NCOA2: variants seen among roughly 807,000 people sequenced by gnomAD.
NCOA2 encodes nuclear receptor coactivator 2.
In NCOA2, 21 loss-of-function variants were observed where a neutral mutation model predicts 145.1. That is an observed-to-expected ratio of 0.14 (90% CI 0.10 to 0.21). The LOEUF (loss-of-function observed/expected upper bound fraction) is 0.21. NCOA2 is among the 10% of genes least tolerant of loss of function. The pLI is 1.00. For synonymous variants in NCOA2, 619 were observed against 637.5 expected (o/e 0.97, Z 0.44); for missense variants, 1,472 against 1,837.6 (o/e 0.80, Z 3.64).
chr8:70,339,163 C>G (rs1807898988), intron 1 of NCOA2, among the ~76,000 whole-genome samples: 1 of 152,220 alleles, frequency 6.6e-6, no homozygotes. Flanking sequence ...TTGAAGACAG[C>G]ATGATCCAGC....
At chr8:70,295,045 A>G (rs1826986023) in intron 2 of NCOA2, among the ~76,000 whole-genome samples, 1 of 152,216 alleles carries the variant, frequency 6.6e-6, no homozygotes, top group Non-Finnish European at 1.5e-5. Flanking sequence ...AAGAGAAGCA[A>G]ATGTCTGAAA....
intron 4 of NCOA2, among the ~76,000 whole-genome samples, chr8:70,179,524 T>A (rs1815242982): frequency 6.6e-6 from 1 of 152,202 alleles, no homozygotes; most frequent in Non-Finnish European, 1.5e-5. Flanking sequence ...ATTTCAGTAA[T>A]GAGTATGCTA....
chr8:70,314,215 G>C (rs1805392040), intron 1 of NCOA2, among the ~76,000 whole-genome samples: 1 of 111,554 alleles, frequency 9.0e-6, no homozygotes, highest in East Asian at 3.9e-4. Context: ...AAAAGCAACT[G>C]TCATGTCCAC....
rs191065440 is a variant in NCOA2 at position 70,287,334 on chromosome 8, C to T, written c.-20+9410G>A. On this transcript the variant is annotated intron_variant, in intron 2 of 22. Coordinates refer to ENST00000452400, the MANE Select transcript of NCOA2 (RefSeq NM_006540.4). ...TCACTCTTAGAATGTAGTATTTTCT[C>T]TTTTTTAAATTTTTTTCTTTTCACT... is the stretch of plus-strand genomic sequence containing the variant. Among the ~76,000 whole-genome samples the T allele has an allele frequency of 8.9e-3, 1,346 of 152,042 alleles. 24 individuals are homozygous for T. Among genetic ancestry groups the T allele is most frequent in the Middle Eastern group, 0.017 (5 of 294 alleles).
intron 11 of NCOA2, among the ~76,000 whole-genome samples, chr8:70,151,334 C>G (rs1224646424): frequency 6.6e-6 from 1 of 151,880 alleles, no homozygotes; most frequent in African/African-American, 2.4e-5. Flanking sequence ...GTCACCCAGG[C>G]TGGAGTGCAG....
the NCOA2 span, among the ~76,000 whole-genome samples, chr8:70,446,591 T>C: frequency 3.3e-5 from 5 of 152,192 alleles, no homozygotes; most frequent in African/African-American, 1.2e-4. Context: ...TTTTCATCCC[T>C]AATTTTATTG....
At chr8:70,219,268 T>G (rs1436207988) in intron 2 of NCOA2, among the ~76,000 whole-genome samples, 1 of 152,206 alleles carries the variant, frequency 6.6e-6, no homozygotes, top group African/African-American at 2.4e-5. Context: ...ATATCATAAT[T>G]TCCTCTTGAA....
chr8:70,348,672 G>C (rs1195237129), intron 1 of NCOA2, among the ~76,000 whole-genome samples: 1 of 152,162 alleles, frequency 6.6e-6, no homozygotes, highest in Non-Finnish European at 1.5e-5. Context: ...TAAGATAAGA[G>C]AGAAGAGTCT....
intron 2 of NCOA2, among the ~76,000 whole-genome samples, chr8:70,251,254 A>C (rs771506737): frequency 1.3e-5 from 2 of 152,226 alleles, no homozygotes; most frequent in African/African-American, 2.4e-5. Context: ...TAAAAAGCTT[A>C]TGCAAACAGC....
intron 1 of NCOA2, among the ~76,000 whole-genome samples, chr8:70,378,725 T>C (rs1563824369): frequency 1.4e-5 from 2 of 141,084 alleles, no homozygotes; most frequent in African/African-American, 5.4e-5. Context: ...CCAAAGTCCC[T>C]GCACTTGTAG....
intron 5 of NCOA2, 89 bp from the exon 6 acceptor site, chr8:70,170,468 A>C: frequency 9.1e-7 from 1 of 1,097,270 alleles, no homozygotes; most frequent in East Asian, 2.9e-5. Flanking sequence ...TTTCAAGGAA[A>C]CACAATTCAC....
chr8:70,167,926 A>G (rs1275924803), intron 6 of NCOA2, among the ~76,000 whole-genome samples: 1 of 152,260 alleles, frequency 6.6e-6, no homozygotes, highest in Non-Finnish European at 1.5e-5. Context: ...CAACTACTAG[A>G]AAAGTTGGAA....
chr8:70,220,430 C>A (rs1338261581), intron 2 of NCOA2, among the ~76,000 whole-genome samples: 1 of 152,164 alleles, frequency 6.6e-6, no homozygotes, highest in Non-Finnish European at 1.5e-5. Context: ...AGTTTCAAAT[C>A]ATCCATTCTT....
the NCOA2 span, among the ~76,000 whole-genome samples, chr8:70,440,709 GA>G: frequency 6.9e-6 from 1 of 144,334 alleles, no homozygotes; most frequent in South Asian, 2.2e-4. Flanking sequence ...AGAAAGAAAA[GA>G]AGAAAGAAAA....
the NCOA2 span, among the ~76,000 whole-genome samples, chr8:70,444,895 T>C: frequency 6.6e-6 from 1 of 152,240 alleles, no homozygotes; most frequent in African/African-American, 2.4e-5. Context: ...ACCTTGATTC[T>C]ATCTTTTAAA....
At chr8:70,123,082 T>G (rs1481552443) in intron 21 of NCOA2, among the ~76,000 whole-genome samples, 1 of 152,210 alleles carries the variant, frequency 6.6e-6, no homozygotes, top group African/African-American at 2.4e-5. Flanking sequence ...AGCCACAGAT[T>G]TTTGGATTCC....
the NCOA2 span, among the ~76,000 whole-genome samples, chr8:70,455,314 A>G: frequency 6.6e-6 from 1 of 152,232 alleles, no homozygotes; most frequent in Non-Finnish European, 1.5e-5. Flanking sequence ...CTGCCTAGAA[A>G]TGATTATTTT....
intron 15 of NCOA2, among the ~76,000 whole-genome samples, chr8:70,133,529 G>A (rs778539475): frequency 9.9e-5 from 15 of 152,236 alleles, no homozygotes; most frequent in African/African-American, 1.4e-4. Context: ...TAGCCTAGAG[G>A]AGGCTTTTAA....
At position 70,160,883 on chromosome 8, in the gene NCOA2, TC is replaced by T. The variant is rs547403000; in HGVS notation, c.977-1232del. 2.1e-4 allele frequency among the ~76,000 whole-genome samples: 32 copies of T among 152,368 alleles called. No individual in the cohort carries two copies. In the South Asian group the frequency reaches 6.4e-3, roughly 31 times the overall value. Reference sequence around the variant, plus strand: ...AAATGAATTACTGAACATGTGAGTATCTTGCTTTGCACAAAGTGTCTAAAAG... The same window carrying T: ...AAATGAATTACTGAACATGTGAGTATTTGCTTTGCACAAAGTGTCTAAAAG... On this transcript the variant is annotated intron_variant, in intron 9 of 22. Coordinates refer to ENST00000452400, the MANE Select transcript of NCOA2 (RefSeq NM_006540.4).
Sources: gnomAD v4.1 joint callset for allele counts (sites outside exome capture counted in the v4.1 genomes callset) on GRCh38, gnomAD v4.1.1 for gene constraint, MANE v1.5 for transcripts, NCBI Gene and HGNC (gene_info 2026-07-23, HGNC 2026-07-21) for gene names.